The following KCTD1 variants were observed in gnomAD, a reference collection of about 807,000 sequenced individuals.
KCTD1 encodes BTB/POZ domain-containing protein KCTD1.
In KCTD1, 24 loss-of-function variants were observed where a neutral mutation model predicts 66.0. The ratio of observed to expected loss-of-function variants is 0.36; its 90% confidence interval spans 0.26 to 0.51. KCTD1 has a LOEUF of 0.51. Among genes scored for constraint, KCTD1 ranks in the 20% least tolerant of loss-of-function variants. The pLI, the probability that KCTD1 is intolerant of heterozygous loss-of-function variation, is 0.95. For missense variants in KCTD1, 943 were observed against 1,205.2 expected (o/e 0.78, Z 3.22); for synonymous variants, 511 against 517.2 (o/e 0.99, Z 0.16).
chr18:26,472,457 C>T (rs1292695562), intron 3 of KCTD1, among the ~76,000 whole-genome samples: 3 of 152,058 alleles, frequency 2.0e-5, no homozygotes, highest in Non-Finnish European at 4.4e-5. Flanking sequence ...TATGTGAATG[C>T]CTGCTCATTG....
chr18:26,497,663 A>C (rs1982548547), intron 2 of KCTD1, among the ~76,000 whole-genome samples: 1 of 152,226 alleles, frequency 6.6e-6, no homozygotes, highest in Admixed American at 6.5e-5. Context: ...CCAAGAGGAA[A>C]CAAAGCAATA....
At chr18:26,552,763 G>T (rs1426211926), upstream of KCTD1, among the ~76,000 whole-genome samples, 1 of 152,108 alleles carries the variant, frequency 6.6e-6, no homozygotes, top group African/African-American at 2.4e-5. Flanking sequence ...AGAGAGGTGG[G>T]CTGGGGAGGA....
upstream of KCTD1, among the ~76,000 whole-genome samples, chr18:26,644,974 G>A (rs1327438581): frequency 6.6e-6 from 1 of 152,192 alleles, no homozygotes; most frequent in African/African-American, 2.4e-5. Context: ...ACATGAAGCA[G>A]AAGTGAGGGG....
At chr18:26,548,953 C>T, upstream of KCTD1, 1 of 986,286 alleles carries the variant, frequency 1.0e-6, no homozygotes. Context: ...GAGGGCGGGA[C>T]GGTCTCGTTT....
chr18:26,567,384 T>A (rs990618612), intron 1 of KCTD1, among the ~76,000 whole-genome samples: 2 of 152,146 alleles, frequency 1.3e-5, no homozygotes, highest in Non-Finnish European at 2.9e-5. Flanking sequence ...TGAGAGTAAG[T>A]TAATTGTGTC....
chr18:26,551,252 G>A (rs1405473504), upstream of KCTD1, among the ~76,000 whole-genome samples: 1 of 152,166 alleles, frequency 6.6e-6, no homozygotes, highest in South Asian at 2.1e-4. Context: ...GTGCTCCCAG[G>A]ACAAAATATC....
At chr18:26,590,004 C>A (rs1986561713) in intron 1 of KCTD1, among the ~76,000 whole-genome samples, 1 of 152,172 alleles carries the variant, frequency 6.6e-6, no homozygotes, top group Non-Finnish European at 1.5e-5. Flanking sequence ...GGTAATGCTT[C>A]TGTTGTTAAG....
chr18:26,546,639 T>C (rs1480653213), intron 1 of KCTD1, 89 bp downstream of exon 1: 1 of 1,394,556 alleles, frequency 7.2e-7, no homozygotes, highest in Admixed American at 3.0e-5. Context: ...TTTTAAAACT[T>C]CCCCCCTACC....
At chr18:26,570,184 T>TAAA (rs10648043) in intron 1 of KCTD1, among the ~76,000 whole-genome samples, 24,544 of 120,626 alleles carry the variant, frequency 0.2, 2,570 homozygotes, top group Admixed American at 0.24. Context: ...AGACTCCATC[T>TAAA]AAAAAAAATA....
At chr18:26,459,964 A>T (rs954421905) in intron 3 of KCTD1, 39 bp from the exon 4 acceptor site, 3 of 1,437,438 alleles carry the variant, frequency 2.1e-6, no homozygotes, top group Middle Eastern at 1.8e-4. Context: ...CAAACTGCAA[A>T]CATAAAGTAC....
chr18:26,482,515 T>TTAATCCTGAAA (rs1164435587), intron 2 of KCTD1, among the ~76,000 whole-genome samples: 1 of 152,214 alleles, frequency 6.6e-6, no homozygotes, highest in Non-Finnish European at 1.5e-5. Context: ...GCTGTGTCCC[T>TTAATCCTGAAA]ACACTTAATC....
chr18:26,460,037 T>C lies in KCTD1; in HGVS notation c.2134-112A>G, dbSNP rs115730799. ...TTCTTGTTATGTCACTAATCAAATCTGCATGTGCGTTTTTCACTTACGACA... is the reference window on the plus strand; with the variant it reads ...TTCTTGTTATGTCACTAATCAAATCCGCATGTGCGTTTTTCACTTACGACA... On this transcript the variant is annotated intron_variant, in intron 3 of 4. Coordinates refer to ENST00000580059, the MANE Select transcript of KCTD1 (RefSeq NM_001142730.3). The C allele has an allele frequency of 2.9e-4, 223 of 777,598 alleles. No individual in the cohort carries two copies. In the African/African-American group the frequency reaches 3.4e-3, roughly 12 times the overall value. 48.2% of individuals were successfully genotyped at this position (777,598 alleles called of 1,614,324 possible). A position where few individuals can be genotyped will look rare whatever the true frequency, so the allele number is the denominator to read the frequency against.
chr18:26,605,830 A>T (rs1394246192), intron 1 of KCTD1, among the ~76,000 whole-genome samples: 2 of 151,820 alleles, frequency 1.3e-5, no homozygotes, highest in African/African-American at 4.8e-5. Context: ...TTCTCTTTGC[A>T]GTGTGACTTT....
intron 1 of KCTD1, among the ~76,000 whole-genome samples, chr18:26,514,882 G>C (rs1567976171): frequency 6.6e-6 from 1 of 152,250 alleles, no homozygotes; most frequent in Non-Finnish European, 1.5e-5. Flanking sequence ...GGAGAGGATA[G>C]TGGTTGATGA....
At chr18:26,599,592 T>C in intron 1 of KCTD1, 2 of 1,500,926 alleles carry the variant, frequency 1.3e-6, no homozygotes, top group Non-Finnish European at 9.3e-7. Context: ...TTTGACATTA[T>C]TTTGTCGGGT....
At chr18:26,533,434 T>C (rs1984542740) in intron 1 of KCTD1, among the ~76,000 whole-genome samples, 1 of 152,236 alleles carries the variant, frequency 6.6e-6, no homozygotes, top group South Asian at 2.1e-4. Flanking sequence ...AGAGTGTTAC[T>C]GTTCTATGTA....
At chr18:26,543,768 G>A (rs1985084435) in intron 1 of KCTD1, 1 of 152,218 alleles carries the variant, frequency 6.6e-6, no homozygotes, top group African/African-American at 2.4e-5. Context: ...TCAAGCAAGT[G>A]CAACTAAAGA....
upstream of KCTD1, chr18:26,548,686 A>C (rs1426361310): frequency 2.4e-6 from 2 of 850,514 alleles, no homozygotes; most frequent in Middle Eastern, 5.0e-4. Context: ...TCCCGAGCGC[A>C]GCTCCGGAGG....
chr18:26,500,091 G>A (rs966464739), intron 2 of KCTD1, among the ~76,000 whole-genome samples: 1 of 151,930 alleles, frequency 6.6e-6, no homozygotes, highest in African/African-American at 2.4e-5. Flanking sequence ...AGACCAGTCT[G>A]GGCAACATAG....
Sources: allele counts gnomAD v4.1 joint callset (sites outside exome capture counted in the v4.1 genomes callset), GRCh38; gene constraint gnomAD v4.1.1; transcripts MANE v1.5; gene names NCBI Gene and HGNC (gene_info 2026-07-23, HGNC 2026-07-21).